The following MTHFD1 variants were observed in gnomAD, a reference collection of about 807,000 sequenced individuals.
MTHFD1 encodes methylenetetrahydrofolate dehydrogenase, cyclohydrolase and formyltetrahydrofolate synthetase 1, also known as C-1-tetrahydrofolate synthase, cytoplasmic.
In MTHFD1, 44 loss-of-function variants were observed where a neutral mutation model predicts 110.3. The ratio of observed to expected loss-of-function variants is 0.40; its 90% CI spans 0.31 to 0.51. The LOEUF is 0.51. MTHFD1 is among the 20% of genes least tolerant of loss of function. MTHFD1 has a pLI of 0.60. For missense variants in MTHFD1, 909 were observed against 1,173.1 expected (o/e 0.77, Z 3.29); for synonymous variants, 402 against 428.8 (o/e 0.94, Z 0.77).
At chr14:64,403,416 A>G (rs908457421) in intron 2 of MTHFD1, among the ~76,000 whole-genome samples, 9 of 151,914 alleles carry the variant, frequency 5.9e-5, no homozygotes, top group Non-Finnish European at 8.8e-5. Context: ...CTGGGATTAC[A>G]GGTGCCACGC....
intron 16 of MTHFD1, among the ~76,000 whole-genome samples, chr14:64,436,692 G>T (rs2078208594): frequency 6.6e-6 from 1 of 152,186 alleles, no homozygotes; most frequent in Non-Finnish European, 1.5e-5. Flanking sequence ...CTAGCTAATG[G>T]CCTTATTTAG....
chr14:64,391,191 G>T (rs546361670), intron 1 of MTHFD1, among the ~76,000 whole-genome samples: 17 of 151,218 alleles, frequency 1.1e-4, no homozygotes, highest in Non-Finnish European at 2.5e-4. Flanking sequence ...TTCAGACAAG[G>T]TCTTGCTCTG....
chr14:64,457,795 G>A (rs1366987880), intron 26 of MTHFD1, among the ~76,000 whole-genome samples: 1 of 152,094 alleles, frequency 6.6e-6, no homozygotes, highest in Non-Finnish European at 1.5e-5. Context: ...TCAGTGACTT[G>A]ATTTTTAATA....
intron 3 of MTHFD1, among the ~76,000 whole-genome samples, chr14:64,411,369 A>G (rs1360290145): frequency 1.3e-5 from 2 of 152,256 alleles, no homozygotes; most frequent in Admixed American, 6.5e-5. Context: ...CCCAAAGAGC[A>G]GGATGTCAAT....
chr14:64,459,466 CTG>C (rs1314871916), intron 27 of MTHFD1, among the ~76,000 whole-genome samples: 10 of 151,250 alleles, frequency 6.6e-5, no homozygotes, highest in Non-Finnish European at 1.5e-4. Context: ...TAGAAGCAAA[CTG>C]TAGTTTGATG....
chr14:64,449,865 T>C (rs958653602), intron 24 of MTHFD1, among the ~76,000 whole-genome samples: 2 of 152,264 alleles, frequency 1.3e-5, no homozygotes, highest in Non-Finnish European at 2.9e-5. Context: ...CTCAGCTCAC[T>C]GCAACCTCTG....
intron 1 of MTHFD1, among the ~76,000 whole-genome samples, chr14:64,389,902 CATA>C (rs1443087365): frequency 3.9e-5 from 6 of 152,192 alleles, no homozygotes; most frequent in African/African-American, 1.4e-4. Context: ...TAATTTAGTG[CATA>C]ATAATAGTGC....
At chr14:64,412,354 C>A in intron 3 of MTHFD1, 118 bp from the exon 4 acceptor site, 1 of 782,030 alleles carries the variant, frequency 1.3e-6, no homozygotes, top group Non-Finnish European at 2.3e-6. Context: ...TTCTTCAGAA[C>A]ATATAAGGGT....
chr14:64,418,129 C>A (rs894746953), intron 7 of MTHFD1, 105 bp downstream of exon 7: 49 of 1,415,084 alleles, frequency 3.5e-5, no homozygotes, highest in Non-Finnish European at 4.8e-5. Flanking sequence ...CCCATCATCT[C>A]ATTTTTACAA....
At position 64,440,163 on chromosome 14, in the gene MTHFD1, C is replaced by T. The variant is rs1383066239; in HGVS notation, c.1712C>T (p.Ala571Val). Reference sequence around the variant, plus strand: ...ATCTCTGTGGCCAGTGAAATTATGGCTGTCCTGGCTCTCACCACTTCTCTA... The same window carrying T: ...ATCTCTGTGGCCAGTGAAATTATGGTTGTCCTGGCTCTCACCACTTCTCTA... Reference protein sequence around the residue: ...FDISVASEIMAVLALTTSLED... With the variant: ...FDISVASEIMVVLALTTSLED... Residue 571 changes from alanine (A) to valine (V), a missense_variant, in exon 18 of 28, where the codon GCT becomes GTT. Around this residue, in one of 3 missense-constraint regions of MTHFD1, gnomAD observed 482 missense variants for 646.0 expected, o/e 0.75. Coordinates refer to ENST00000652337, the MANE Select transcript of MTHFD1 (RefSeq NM_005956.4). 1.2e-6 allele frequency: 2 copies of T among 1,613,926 alleles called. No homozygotes were observed. Among genetic ancestry groups the T allele is most frequent in the Admixed American group, 3.3e-5 (2 of 59,982 alleles).
intron 19 of MTHFD1, 186 bp from the exon 20 acceptor site, chr14:64,441,866 ATC>A (rs2078252167): frequency 4.5e-6 from 3 of 665,168 alleles, no homozygotes; most frequent in Non-Finnish European, 8.2e-6. Flanking sequence ...CCACTTGCTC[ATC>A]TCTTTCTTCT....
intron 21 of MTHFD1, among the ~76,000 whole-genome samples, chr14:64,442,650 T>C (rs576976941): frequency 6.6e-6 from 1 of 152,218 alleles, no homozygotes; most frequent in African/African-American, 2.4e-5. Context: ...TCTGACAATA[T>C]CTAAACCCCT....
At chr14:64,442,007 T>C in intron 19 of MTHFD1, 47 bp from the exon 20 acceptor site, 1 of 1,284,766 alleles carries the variant, frequency 7.8e-7, no homozygotes, top group Non-Finnish European at 1.1e-6. Context: ...TGATCCCACT[T>C]TGAAGCAGGA....
rs2078043184 is a variant in MTHFD1 at position 64,418,463 on chromosome 14, A to AATT, written c.615+440_615+441insTTA. 2.6e-5 allele frequency among the ~76,000 whole-genome samples: 4 copies of AATT among 151,330 alleles called. No homozygotes were observed. The South Asian group carries it at 8.4e-4, about 32-fold the overall frequency. On this transcript the variant is annotated intron_variant, in intron 7 of 27. Transcript: ENST00000652337. ...AAGACCCTGTCTCAAAAAAAAAAAA[A>AATT]AATTAATTAATTAAAAAAAACATAA...
chr14:64,400,763 T>C (rs758410414), intron 1 of MTHFD1, 30 bp from the exon 2 acceptor site: 1 of 1,410,110 alleles, frequency 7.1e-7, no homozygotes, highest in South Asian at 1.2e-5. Flanking sequence ...AAACATTCAG[T>C]GTTAACCCCA....
chr14:64,408,879 T>C (rs2077959850), intron 2 of MTHFD1, among the ~76,000 whole-genome samples: 1 of 151,992 alleles, frequency 6.6e-6, no homozygotes, highest in East Asian at 1.9e-4. Flanking sequence ...AGCCTAGGAG[T>C]TGCAGGCTGC....
chr14:64,420,665 G>T (rs937949327), intron 8 of MTHFD1, among the ~76,000 whole-genome samples: 5 of 152,004 alleles, frequency 3.3e-5, no homozygotes, highest in Non-Finnish European at 7.4e-5. Context: ...TTCCCACTCA[G>T]ATCTATCCCC....
chr14:64,409,687 G>A (rs1438107654), intron 2 of MTHFD1, among the ~76,000 whole-genome samples: 1 of 151,950 alleles, frequency 6.6e-6, no homozygotes, highest in African/African-American at 2.4e-5. Flanking sequence ...AATGTACTTA[G>A]ATACAAATAA....
At chr14:64,402,436 G>A (rs4899135) in intron 2 of MTHFD1, among the ~76,000 whole-genome samples, 141,285 of 152,286 alleles carry the variant, frequency 0.93, 65,817 homozygotes, top group Middle Eastern at 0.99. Flanking sequence ...TTTTATCATT[G>A]GCAACAAATA....
Sources: allele counts gnomAD v4.1 joint callset (sites outside exome capture counted in the v4.1 genomes callset), GRCh38; gene constraint gnomAD v4.1.1; regional missense constraint gnomAD v4.1.1; transcripts MANE v1.5; gene names NCBI Gene and HGNC (gene_info 2026-07-23, HGNC 2026-07-21).